IKZF2: variants seen among roughly 807,000 people sequenced by gnomAD.
IKZF2 encodes the protein IKAROS family zinc finger 2.
IKZF2 carries 15 observed loss-of-function variants against 49.2 expected under a neutral mutation model. The observed-to-expected ratio is 0.30, with a 90% confidence interval of 0.20 to 0.47. The LOEUF (loss-of-function observed/expected upper bound fraction) is 0.47, where lower values mean the gene tolerates loss of function less well. Ranked by LOEUF, IKZF2 falls within the 20% of genes least tolerant of loss-of-function variation. IKZF2 has a pLI of 1.00. For missense variants in IKZF2, 567 were observed against 664.6 expected (o/e 0.85, Z 1.61); for synonymous variants, 227 against 221.4 (o/e 1.03, Z -0.23).
In IKZF2 at chr2:213,002,079, T is replaced by C. The variant is rs73087329; in HGVS notation, c.*5281A>G. On this transcript the variant is annotated 3_prime_UTR_variant, in exon 9 of 9. Coordinates refer to ENST00000434687, the MANE Select transcript of IKZF2 (RefSeq NM_001387220.1). ...ACTTGAGGTAATTTGAAGGCCCAAT[T>C]CACTGCAAACTCATTTATTTGTACC... 0.23 allele frequency: 34,379 copies of C among 151,244 alleles called. 4,337 individuals are homozygous for C. The highest frequency in any genetic ancestry group is 0.27 in the Non-Finnish European group (18,431 of 67,384). The allele number at this position is 151,244 out of a possible 1,614,324, so 9.4% of individuals were successfully genotyped here.
intron 4 of IKZF2, among the ~76,000 whole-genome samples, chr2:213,068,417 G>A (rs1214190922): frequency 6.6e-6 from 1 of 152,028 alleles, no homozygotes; most frequent in Admixed American, 6.6e-5. Flanking sequence ...TAAAGGTAAT[G>A]CTACCGATTT....
chr2:213,046,365 A>G (rs1398451446), intron 6 of IKZF2, among the ~76,000 whole-genome samples: 4 of 152,280 alleles, frequency 2.6e-5, no homozygotes, highest in East Asian at 3.9e-4. Context: ...CTGCTTCTCA[A>G]TCTTTTTGCT....
intron 4 of IKZF2, among the ~76,000 whole-genome samples, chr2:213,062,979 C>G (rs1182528605): frequency 6.6e-6 from 1 of 151,954 alleles, no homozygotes; most frequent in Non-Finnish European, 1.5e-5. Context: ...AAAGTAAAAC[C>G]ACAACAAAGG....
intron 4 of IKZF2, among the ~76,000 whole-genome samples, chr2:213,107,735 T>C (rs1478914848): frequency 6.6e-6 from 1 of 152,184 alleles, no homozygotes; most frequent in Non-Finnish European, 1.5e-5. Context: ...CACACATACA[T>C]ACTTCTAAAC....
At chr2:213,072,828 GA>G (rs1047602521) in intron 4 of IKZF2, among the ~76,000 whole-genome samples, 42 of 152,082 alleles carry the variant, frequency 2.8e-4, no homozygotes, top group South Asian at 1.5e-3. Flanking sequence ...AAAATTCAAC[GA>G]AAATGACACA....
At chr2:213,151,972 A>C (rs1347827593), upstream of IKZF2, among the ~76,000 whole-genome samples, 1 of 151,148 alleles carries the variant, frequency 6.6e-6, no homozygotes, top group Admixed American at 6.6e-5. Flanking sequence ...CGACGCGCGC[A>C]CTCCCTCGCG....
chr2:213,150,470 T>TCCC, intron 1 of IKZF2: 1 of 265,052 alleles, frequency 3.8e-6, no homozygotes, highest in Non-Finnish European at 7.5e-6. Context: ...CTCCTCCTCC[T>TCCC]CCTCCTCGTC....
chr2:213,068,110 T>C (rs1184431473), intron 4 of IKZF2, among the ~76,000 whole-genome samples: 1 of 152,206 alleles, frequency 6.6e-6, no homozygotes, highest in East Asian at 1.9e-4. Context: ...CTATGCACCA[T>C]AGAAAGCAAA....
At chr2:213,034,003 G>A (rs1698749941) in intron 6 of IKZF2, among the ~76,000 whole-genome samples, 1 of 152,216 alleles carries the variant, frequency 6.6e-6, no homozygotes, top group Non-Finnish European at 1.5e-5. Context: ...ATGAATTACT[G>A]TAGCCTCTAC....
At chr2:213,117,123 C>T (rs905556969) in intron 4 of IKZF2, among the ~76,000 whole-genome samples, 5 of 152,050 alleles carry the variant, frequency 3.3e-5, no homozygotes, top group Admixed American at 1.3e-4. Flanking sequence ...CTGTGCTGAA[C>T]AGCGAAAGAA....
chr2:213,028,046 C>G (rs1698005696), intron 6 of IKZF2, among the ~76,000 whole-genome samples: 1 of 152,070 alleles, frequency 6.6e-6, no homozygotes, highest in Non-Finnish European at 1.5e-5. Context: ...TGTCAAAAGT[C>G]TATGGCTATT....
At chr2:213,146,948 C>T (rs2061094374) in intron 4 of IKZF2, among the ~76,000 whole-genome samples, 1 of 151,970 alleles carries the variant, frequency 6.6e-6, no homozygotes, top group East Asian at 1.9e-4. Context: ...AGCACTTGCA[C>T]TTGATAACTA....
intron 4 of IKZF2, among the ~76,000 whole-genome samples, chr2:213,072,537 G>T (rs78995836): frequency 0.033 from 4,978 of 152,028 alleles, 117 homozygotes; most frequent in Middle Eastern, 0.071. Flanking sequence ...TCACCAAGCA[G>T]CTCATTCAAA....
At chr2:213,063,559 A>G (rs1261166196) in intron 4 of IKZF2, among the ~76,000 whole-genome samples, 1 of 151,998 alleles carries the variant, frequency 6.6e-6, no homozygotes, top group Non-Finnish European at 1.5e-5. Flanking sequence ...TTTTAATGAT[A>G]ATAGTAATGA....
intron 7 of IKZF2, among the ~76,000 whole-genome samples, chr2:213,019,942 A>G (rs2371790): frequency 0.54 from 82,179 of 152,104 alleles, 23,327 homozygotes; most frequent in East Asian, 0.8. Context: ...AGATAATTCA[A>G]TGTTGATTAT....
chr2:213,013,093 TTAATCTTTTC>T (rs1696154563), intron 8 of IKZF2, among the ~76,000 whole-genome samples: 1 of 151,904 alleles, frequency 6.6e-6, no homozygotes, highest in Non-Finnish European at 1.5e-5. Context: ...TATATGATAT[TTAATCTTTTC>T]AGTTCAAAAT....
chr2:213,139,435 T>C (rs1379081069), intron 4 of IKZF2, among the ~76,000 whole-genome samples: 1 of 151,972 alleles, frequency 6.6e-6, no homozygotes, highest in Admixed American at 6.6e-5. Context: ...ACTAACTCCC[T>C]TTATTCAGAT....
intron 4 of IKZF2, among the ~76,000 whole-genome samples, chr2:213,114,342 C>T (rs886120859): frequency 1.5e-4 from 23 of 151,972 alleles, no homozygotes; most frequent in African/African-American, 5.6e-4. Flanking sequence ...ACATCTAAAA[C>T]GTTATTTTGA....
chr2:213,130,277 G>T (rs1419572311), intron 4 of IKZF2, among the ~76,000 whole-genome samples: 1 of 152,102 alleles, frequency 6.6e-6, no homozygotes, highest in Non-Finnish European at 1.5e-5. Context: ...CTAAGCTAGG[G>T]TCTCTCACAG....
Sources: allele counts gnomAD v4.1 joint callset (sites outside exome capture counted in the v4.1 genomes callset), GRCh38; gene constraint gnomAD v4.1.1; transcripts MANE v1.5; gene names NCBI Gene and HGNC (gene_info 2026-07-23, HGNC 2026-07-21).